ATP9B: variants seen among roughly 807,000 people sequenced by gnomAD.
ATP9B encodes ATPase phospholipid transporting 9B.
ATP9B carries 110 observed loss-of-function variants against 146.1 expected under a neutral mutation model. That is an observed-to-expected ratio of 0.75 (90% CI 0.65 to 0.88). The LOEUF (loss-of-function observed/expected upper bound fraction) is 0.88, where lower values mean the gene tolerates loss of function less well. ATP9B is among the 40% of genes least tolerant of loss of function. ATP9B has a pLI of 0.00. For synonymous variants in ATP9B, 604 were observed against 569.7 expected, an observed-to-expected ratio of 1.06 and a Z score of -0.86; for missense variants, 1,499 against 1,496.4, an observed-to-expected ratio of 1.00 and a Z score of -0.03.
chr18:79,209,684 G>A, intron 10 of ATP9B: 1 of 985,278 alleles, frequency 1.0e-6, no homozygotes, highest in African/African-American at 1.7e-5. Flanking sequence ...TGGGCATGAA[G>A]ACGGCTTTAA....
intron 12 of ATP9B, among the ~76,000 whole-genome samples, chr18:79,266,202 C>T (rs190282092): frequency 2.4e-4 from 36 of 152,098 alleles, no homozygotes; most frequent in African/African-American, 3.9e-4. Context: ...TTTGTTAGAG[C>T]AGTTCTTAGA....
chr18:79,329,297 G>A lies in ATP9B; in HGVS notation c.1930G>A (p.Val644Ile), dbSNP rs149979572. 167 of 1,602,474 alleles carry A rather than the reference G, an allele frequency of 1.0e-4. 1 individual carries two copies. Among genetic ancestry groups the A allele is most frequent in the Middle Eastern group, 3.3e-4 (2 of 6,010 alleles). ...TSESKRMGVI[V>I]RDESTAEITF... is the part of the protein sequence containing the mutation. Reference sequence around the variant, plus strand: ...CGAGAGCAAGCGGATGGGCGTCATCGTCAGGGTGAGGCTGCGGGGAGGGTG... The same window carrying A: ...CGAGAGCAAGCGGATGGGCGTCATCATCAGGGTGAGGCTGCGGGGAGGGTG... The change falls in exon 16 of 30, where the codon GTC becomes ATC. Residue 644 changes from valine (V) to isoleucine (I), a missense_variant. Transcript: ENST00000426216.
chr18:79,257,294 ACT>A (rs2096092233), intron 12 of ATP9B, among the ~76,000 whole-genome samples: 1 of 152,046 alleles, frequency 6.6e-6, no homozygotes. Context: ...AAAGAACAAA[ACT>A]CTGTCTCAAA....
intron 21 of ATP9B, 36 bp downstream of exon 21, chr18:79,344,390 G>GTCTATC: frequency 5.6e-6 from 9 of 1,595,328 alleles, no homozygotes; most frequent in South Asian, 1.1e-5. Context: ...ATGTCTGTCT[G>GTCTATC]TGTCTCTGAG....
chr18:79,092,905 G>A (rs905076752), intron 1 of ATP9B, among the ~76,000 whole-genome samples: 3 of 151,998 alleles, frequency 2.0e-5, no homozygotes, highest in African/African-American at 7.2e-5. Context: ...TAATGATACA[G>A]TATAGTAAAT....
chr18:79,275,378 C>T (rs2096296561), intron 12 of ATP9B, among the ~76,000 whole-genome samples: 1 of 152,222 alleles, frequency 6.6e-6, no homozygotes, highest in Non-Finnish European at 1.5e-5. Flanking sequence ...AAGCCCAAAT[C>T]AAAGAAGAGT....
At chr18:79,094,390 G>A (rs1025671191) in intron 1 of ATP9B, among the ~76,000 whole-genome samples, 2 of 152,178 alleles carry the variant, frequency 1.3e-5, no homozygotes, top group African/African-American at 4.8e-5. Flanking sequence ...CTTTCTGAAA[G>A]TCAGGGTTTT....
intron 6 of ATP9B, among the ~76,000 whole-genome samples, chr18:79,149,849 G>A (rs1165122355): frequency 6.6e-6 from 1 of 151,990 alleles, no homozygotes; most frequent in Non-Finnish European, 1.5e-5. Flanking sequence ...TTGGGAGGTC[G>A]AAGGGGACGG....
chr18:79,225,290 A>G (rs542501973), intron 11 of ATP9B, among the ~76,000 whole-genome samples: 8 of 152,370 alleles, frequency 5.3e-5, no homozygotes, highest in Admixed American at 4.6e-4. Context: ...TAAAACATGT[A>G]TATAATAAGC....
rs563881830 is a variant in ATP9B, at chr18:79,223,433, T to G, written c.1107+9395T>G. On this transcript the variant is annotated intron_variant, in intron 11 of 29. Transcript: ENST00000426216. ...ATAAAATACCGTAGAGTTTAAATAC[T>G]TATTTTAAAATGTGCCCATGTGCTT... 2.1e-4 allele frequency among the ~76,000 whole-genome samples: 32 copies of G among 152,356 alleles called. No homozygotes were observed. In the East Asian group the frequency reaches 6.0e-3, roughly 28 times the overall value.
chr18:79,235,751 T>G (rs5008768), intron 11 of ATP9B, among the ~76,000 whole-genome samples: 1 of 131,328 alleles, frequency 7.6e-6, no homozygotes, highest in Non-Finnish European at 1.7e-5. Flanking sequence ...GGAGTGTCCC[T>G]TCCTCACCAA....
At chr18:79,156,994 G>A (rs1396740260) in intron 7 of ATP9B, among the ~76,000 whole-genome samples, 4 of 152,152 alleles carry the variant, frequency 2.6e-5, no homozygotes, top group Non-Finnish European at 4.4e-5. Context: ...GATCATGGGC[G>A]TGTAGTCCTT....
At chr18:79,217,656 G>T (rs561645292) in intron 11 of ATP9B, among the ~76,000 whole-genome samples, 1 of 152,170 alleles carries the variant, frequency 6.6e-6, no homozygotes, top group African/African-American at 2.4e-5. Flanking sequence ...GGGAAGCCTC[G>T]GTATTGATAC....
At chr18:79,274,480 A>C (rs2096285921) in intron 12 of ATP9B, among the ~76,000 whole-genome samples, 2 of 152,178 alleles carry the variant, frequency 1.3e-5, no homozygotes, top group South Asian at 4.1e-4. Flanking sequence ...CCCATGTGGT[A>C]GTATATGTGC....
At chr18:79,366,706 G>A (rs2097031527) in intron 26 of ATP9B, among the ~76,000 whole-genome samples, 1 of 152,214 alleles carries the variant, frequency 6.6e-6, no homozygotes, top group African/African-American at 2.4e-5. Context: ...GAACCAGGCG[G>A]TAGTGAGCAA....
intron 11 of ATP9B, among the ~76,000 whole-genome samples, chr18:79,235,923 G>T (rs1397195495): frequency 6.6e-6 from 1 of 152,090 alleles, no homozygotes; most frequent in African/African-American, 2.4e-5. Flanking sequence ...GGTTCTTTGG[G>T]CTTTTTGCTC....
chr18:79,177,334 C>G (rs1240711177), intron 8 of ATP9B, among the ~76,000 whole-genome samples: 2 of 152,136 alleles, frequency 1.3e-5, no homozygotes, highest in African/African-American at 4.8e-5. Flanking sequence ...CGCCTGGGCT[C>G]AAGTGATGCT....
At chr18:79,318,125 G>A (rs557874903) in intron 15 of ATP9B, among the ~76,000 whole-genome samples, 6 of 152,382 alleles carry the variant, frequency 3.9e-5, no homozygotes, top group East Asian at 1.9e-4. Flanking sequence ...CGCCCATGCA[G>A]AAGGATTCCT....
intron 7 of ATP9B, among the ~76,000 whole-genome samples, chr18:79,157,879 A>G (rs916154866): frequency 6.6e-6 from 1 of 152,136 alleles, no homozygotes; most frequent in African/African-American, 2.4e-5. Flanking sequence ...TGATTTTAGT[A>G]ATTGAACTCT....
Sources: allele counts gnomAD v4.1 joint callset (sites outside exome capture counted in the v4.1 genomes callset), GRCh38; gene constraint gnomAD v4.1.1; transcripts MANE v1.5; gene names NCBI Gene and HGNC (gene_info 2026-07-23, HGNC 2026-07-21).